Variants in DOK6 observed in about 807,000 individuals in gnomAD.
The protein encoded by DOK6 is docking protein 6, also known as downstream of tyrosine kinase 6.
In DOK6, 22 loss-of-function variants were observed where a neutral mutation model predicts 44.0. The observed-to-expected ratio is 0.50, with a 90% confidence interval of 0.36 to 0.71. The LOEUF is 0.71. DOK6 is among the 30% of genes least tolerant of loss of function. The pLI is 0.00. For missense variants in DOK6, 340 were observed against 416.4 expected (o/e 0.82, Z 1.60); for synonymous variants, 166 against 145.5 (o/e 1.14, Z -1.01).
chr18:69,617,352 A>AAG (rs1302382412), intron 3 of DOK6, among the ~76,000 whole-genome samples: 2 of 140,682 alleles, frequency 1.4e-5, no homozygotes, highest in East Asian at 4.5e-4. Context: ...AAGAAAGAGA[A>AAG]AGAAAGGAAA....
intron 3 of DOK6, chr18:69,618,537 G>C (rs911831739): frequency 1.2e-5 from 2 of 163,342 alleles, no homozygotes; most frequent in Admixed American, 6.5e-5. Context: ...AGGTTTAATG[G>C]ACTCACGGTT....
At chr18:69,467,006 CA>C (rs1979947485) in intron 1 of DOK6, among the ~76,000 whole-genome samples, 1 of 152,038 alleles carries the variant, frequency 6.6e-6, no homozygotes, top group South Asian at 2.1e-4. Flanking sequence ...AGGGATTCAG[CA>C]CCTAGGAAGT....
rs184014836 is a variant in DOK6 at position 69,553,829 on chromosome 18, A to G, written c.67-10658A>G. On this transcript the variant is annotated intron_variant, in intron 1 of 7. Coordinates refer to ENST00000382713, the MANE Select transcript of DOK6 (RefSeq NM_152721.6). ...TAGAAACTTGAGCACCTTAGATGTC[A>G]GTACTTCTGGGATGCCTGCATCTTA... is the stretch of plus-strand genomic sequence containing the variant. 2.0e-5 allele frequency among the ~76,000 whole-genome samples: 3 copies of G among 152,342 alleles called. No individual in the cohort carries two copies. In the East Asian group the frequency reaches 5.8e-4, roughly 29 times the overall value.
At chr18:69,408,481 C>T (rs1315999991) in intron 1 of DOK6, among the ~76,000 whole-genome samples, 2 of 151,010 alleles carry the variant, frequency 1.3e-5, no homozygotes, top group African/African-American at 4.9e-5. Context: ...ATTTACATGA[C>T]AGTGTCTGGG....
At chr18:69,553,257 T>C (rs934677454) in intron 1 of DOK6, among the ~76,000 whole-genome samples, 2 of 152,164 alleles carry the variant, frequency 1.3e-5, no homozygotes, top group African/African-American at 2.4e-5. Flanking sequence ...TGTAATGAAA[T>C]CCGTAACAGT....
intron 1 of DOK6, among the ~76,000 whole-genome samples, chr18:69,508,624 A>T (rs975929968): frequency 6.6e-6 from 1 of 152,206 alleles, no homozygotes; most frequent in Non-Finnish European, 1.5e-5. Flanking sequence ...TTTGGGTTAC[A>T]TGGTTCTAGG....
chr18:69,436,018 G>A (rs1316734721), intron 1 of DOK6, among the ~76,000 whole-genome samples: 1 of 151,812 alleles, frequency 6.6e-6, no homozygotes, highest in Non-Finnish European at 1.5e-5. Flanking sequence ...TTAACTGAAG[G>A]TTTTTAATAT....
At chr18:69,527,808 AAC>A (rs1386705222) in intron 1 of DOK6, among the ~76,000 whole-genome samples, 3 of 152,196 alleles carry the variant, frequency 2.0e-5, no homozygotes, top group African/African-American at 7.2e-5. Context: ...ATAGCTAAAT[AAC>A]AGTCACTGTT....
At chr18:69,635,823 T>C (rs751213650) in intron 3 of DOK6, among the ~76,000 whole-genome samples, 1 of 152,224 alleles carries the variant, frequency 6.6e-6, no homozygotes, top group African/African-American at 2.4e-5. Context: ...TGTTGGGGGT[T>C]TCTTTGGATT....
intron 1 of DOK6, among the ~76,000 whole-genome samples, chr18:69,520,383 A>T (rs1030675801): frequency 1.4e-4 from 21 of 151,998 alleles, no homozygotes; most frequent in African/African-American, 5.1e-4. Flanking sequence ...ATACTTGAAT[A>T]GTATGTATGT....
chr18:69,690,729 G>T (rs1035146354), intron 4 of DOK6, among the ~76,000 whole-genome samples: 1 of 152,122 alleles, frequency 6.6e-6, no homozygotes, highest in Non-Finnish European at 1.5e-5. Flanking sequence ...TAAATCCCAA[G>T]CATTAGTCCA....
intron 5 of DOK6, among the ~76,000 whole-genome samples, chr18:69,727,551 G>A (rs1439179340): frequency 6.6e-6 from 1 of 152,216 alleles, no homozygotes; most frequent in Non-Finnish European, 1.5e-5. Flanking sequence ...TTAGAAAGAT[G>A]TGTGGGCAGA....
chr18:69,643,331 G>T (rs950521080), intron 3 of DOK6, among the ~76,000 whole-genome samples: 4 of 151,994 alleles, frequency 2.6e-5, no homozygotes. Context: ...TTTATCACCT[G>T]GTCCGTTTGT....
chr18:69,509,199 C>G (rs1255939295), intron 1 of DOK6, among the ~76,000 whole-genome samples: 1 of 152,110 alleles, frequency 6.6e-6, no homozygotes, highest in East Asian at 1.9e-4. Flanking sequence ...CTCAAAATTA[C>G]CAAGTCCTGG....
At chr18:69,543,475 A>C (rs10871644) in intron 1 of DOK6, among the ~76,000 whole-genome samples, 6 of 151,270 alleles carry the variant, frequency 4.0e-5, no homozygotes, top group Admixed American at 4.0e-4. Flanking sequence ...TTTCAACTAC[A>C]TCTCTATTTT....
chr18:69,463,701 G>A (rs2122477982), intron 1 of DOK6, among the ~76,000 whole-genome samples: 1 of 151,796 alleles, frequency 6.6e-6, no homozygotes, highest in South Asian at 2.1e-4. Flanking sequence ...CTATGTGTGT[G>A]TGTCTATGTG....
chr18:69,413,678 C>G (rs1056203624), intron 1 of DOK6, among the ~76,000 whole-genome samples: 3 of 151,820 alleles, frequency 2.0e-5, no homozygotes, highest in South Asian at 2.1e-4. Context: ...AGAAGAAAAT[C>G]TAGGACTAGG....
chr18:69,668,384 G>A (rs922830422), intron 3 of DOK6, among the ~76,000 whole-genome samples: 1 of 152,026 alleles, frequency 6.6e-6, no homozygotes, highest in Admixed American at 6.6e-5. Context: ...ACCTAGGAAT[G>A]TCTTTTGTCA....
intron 7 of DOK6, among the ~76,000 whole-genome samples, chr18:69,792,382 A>C (rs1980627068): frequency 6.6e-6 from 1 of 152,190 alleles, no homozygotes; most frequent in Admixed American, 6.6e-5. Flanking sequence ...TGAACATGGA[A>C]TATCTTTCCA....
Sources: gnomAD v4.1 joint callset for allele counts (sites outside exome capture counted in the v4.1 genomes callset) on GRCh38, gnomAD v4.1.1 for gene constraint, MANE v1.5 for transcripts, NCBI Gene and HGNC (gene_info 2026-07-23, HGNC 2026-07-21) for gene names.